The following WDPCP variants were observed in gnomAD, a reference collection of about 807,000 sequenced individuals.
WDPCP encodes WD repeat containing planar cell polarity effector.
WDPCP carries 71 observed loss-of-function variants against 93.1 expected under a neutral mutation model. That is an observed-to-expected ratio of 0.76 (90% confidence interval 0.63 to 0.93). The LOEUF is 0.93. Ranked by LOEUF, WDPCP falls within the 40% of genes least tolerant of loss-of-function variation. The pLI is 0.00. For synonymous variants in WDPCP, 315 were observed against 315.0 expected (o/e 1.00, Z 0.00); for missense variants, 844 against 887.4 (o/e 0.95, Z 0.62).
chr2:63,684,548 C>T lies in WDPCP; in HGVS notation n.309-33710G>A, dbSNP rs565746064. The T allele has an allele frequency of 5.6e-6, 4 of 712,002 alleles. No individual in the cohort carries two copies. The East Asian group carries it at 8.6e-5, about 15-fold the overall frequency. The allele number at this position is 712,002 out of a possible 1,614,324, so 44.1% of individuals were successfully genotyped here. A position where few individuals can be genotyped will look rare whatever the true frequency, so the allele number is the denominator to read the frequency against. On this transcript the variant is annotated intron_variant and non_coding_transcript_variant, in intron 2 of 4. Transcript: ENST00000467687. ...AGTTTATAACTATAATCACCTAATG[C>T]CCACAAGGTACTCTGTGGATATCCC...
intron 1 of WDPCP, among the ~76,000 whole-genome samples, chr2:63,524,829 G>A (rs1308701773): frequency 1.3e-5 from 2 of 152,038 alleles, no homozygotes. Flanking sequence ...TACACAATGG[G>A]AGATAATGAT....
intron 12 of WDPCP, among the ~76,000 whole-genome samples, chr2:63,338,354 C>T (rs1688540958): frequency 1.3e-5 from 2 of 151,522 alleles, no homozygotes; most frequent in African/African-American, 4.8e-5. Context: ...GAGTTTGAGA[C>T]CAGCCTGGCC....
At chr2:63,209,494 C>T (rs1011648365) in intron 14 of WDPCP, among the ~76,000 whole-genome samples, 11 of 152,238 alleles carry the variant, frequency 7.2e-5, no homozygotes, top group African/African-American at 2.7e-4. Context: ...TCAACACCCA[C>T]TGTGGACCCT....
chr2:63,566,742 TAAGAGCTCAGTCCCAC>T (rs1325510138), intron 1 of WDPCP, among the ~76,000 whole-genome samples: 2 of 152,168 alleles, frequency 1.3e-5, no homozygotes, highest in African/African-American at 4.8e-5. Context: ...TCTACAGGTT[TAAGAGCTCAGTCCCAC>T]AAGACTGTCC....
At chr2:63,503,151 T>C (rs1701658345) in intron 1 of WDPCP, among the ~76,000 whole-genome samples, 2 of 152,252 alleles carry the variant, frequency 1.3e-5, no homozygotes, top group African/African-American at 2.4e-5. Flanking sequence ...TAAATAGATC[T>C]TGTCAATTTA....
intron 1 of WDPCP, among the ~76,000 whole-genome samples, chr2:63,570,031 T>C (rs1558822367): frequency 6.6e-6 from 1 of 152,194 alleles, no homozygotes; most frequent in Non-Finnish European, 1.5e-5. Flanking sequence ...TTTCACCACT[T>C]ATCTCAATAC....
intron 2 of WDPCP, among the ~76,000 whole-genome samples, chr2:63,733,492 G>T (rs995306456): frequency 1.4e-5 from 2 of 147,078 alleles, no homozygotes; most frequent in Non-Finnish European, 3.0e-5. Flanking sequence ...GTGAGCCACC[G>T]CGCCCGGCCG....
At chr2:63,448,368 A>C (rs1279417436) in intron 6 of WDPCP, among the ~76,000 whole-genome samples, 1 of 152,092 alleles carries the variant, frequency 6.6e-6, no homozygotes, top group Non-Finnish European at 1.5e-5. Flanking sequence ...TAAGCTTGGC[A>C]ACTTTTCATA....
At chr2:63,460,426 A>AT (rs1698927686) in intron 6 of WDPCP, among the ~76,000 whole-genome samples, 1 of 152,172 alleles carries the variant, frequency 6.6e-6, no homozygotes, top group African/African-American at 2.4e-5. Context: ...TAGGATGACT[A>AT]TACTTAGCAA....
chr2:63,585,095 G>A (rs1262528610), intron 1 of WDPCP, among the ~76,000 whole-genome samples: 2 of 152,096 alleles, frequency 1.3e-5, no homozygotes, highest in Non-Finnish European at 2.9e-5. Flanking sequence ...AAATGTTATA[G>A]TTTAAAATGT....
intron 2 of WDPCP, among the ~76,000 whole-genome samples, chr2:63,782,843 A>T (rs895556724): frequency 5.3e-5 from 8 of 151,884 alleles, no homozygotes; most frequent in Non-Finnish European, 1.2e-4. Flanking sequence ...TCCCTCAGGA[A>T]TGGAAAATGG....
chr2:63,409,315 G>A (rs1694850903), intron 9 of WDPCP, among the ~76,000 whole-genome samples: 2 of 152,156 alleles, frequency 1.3e-5, no homozygotes, highest in Non-Finnish European at 2.9e-5. Context: ...ACTGCAGTTT[G>A]GCTCACAGGA....
rs118058392 is a variant in WDPCP at position 63,310,404 on chromosome 2, G to A, written c.1812+2844C>T. 6.6e-4 allele frequency among the ~76,000 whole-genome samples: 100 copies of A among 152,084 alleles called. 1 individual carries two copies. The East Asian group carries it at 0.018, about 27-fold the overall frequency. ...CTTCACACTTGTACCTAGGAGCCTT[G>A]TCTCGTTTCAGTTTATTTTCTACAA... On this transcript the variant is annotated intron_variant, in intron 13 of 17. Coordinates refer to ENST00000272321, the MANE Select transcript of WDPCP (RefSeq NM_015910.7).
chr2:63,214,197 G>T (rs983464432), intron 14 of WDPCP, among the ~76,000 whole-genome samples: 1 of 152,172 alleles, frequency 6.6e-6, no homozygotes, highest in Non-Finnish European at 1.5e-5. Flanking sequence ...CAATATCCAT[G>T]ATGAACATTG....
intron 10 of WDPCP, among the ~76,000 whole-genome samples, chr2:63,392,336 T>C (rs1298390830): frequency 6.6e-6 from 1 of 152,140 alleles, no homozygotes; most frequent in Non-Finnish European, 1.5e-5. Flanking sequence ...TAGCCATAGG[T>C]AGAAAACTGA....
chr2:63,720,533 C>A (rs1164286522), intron 2 of WDPCP, among the ~76,000 whole-genome samples: 1 of 152,132 alleles, frequency 6.6e-6, no homozygotes, highest in Non-Finnish European at 1.5e-5. Context: ...TTAAGAGCTG[C>A]CATGGCTTAC....
In WDPCP at chr2:63,660,409, GCAGCAAAATTA is replaced by G. The variant is rs1157679413; in HGVS notation, n.309-9582_309-9572del. The stretch of plus-strand genomic sequence containing the variant: ...CTTGCTTGAATTGCAATTGGTAGTT[GCAGCAAAATTA>G]CAGAGAGTAGGAGAAGAGTAGTTTT... On this transcript the variant is annotated intron_variant and non_coding_transcript_variant, in intron 2 of 4. Transcript: ENST00000467687. 2.0e-5 allele frequency among the ~76,000 whole-genome samples: 3 copies of G among 152,160 alleles called. No individual in the cohort carries two copies. The East Asian group carries it at 5.8e-4, about 29-fold the overall frequency.
At chr2:63,380,423 C>T (rs1692202157) in intron 11 of WDPCP, among the ~76,000 whole-genome samples, 1 of 152,086 alleles carries the variant, frequency 6.6e-6, no homozygotes, top group Non-Finnish European at 1.5e-5. Context: ...ATGCACTAGG[C>T]ATTTTCTCAT....
intron 1 of WDPCP, among the ~76,000 whole-genome samples, chr2:63,581,332 G>A (rs1316130474): frequency 6.6e-6 from 1 of 152,158 alleles, no homozygotes; most frequent in Non-Finnish European, 1.5e-5. Flanking sequence ...CATACAGAGA[G>A]AACTCCAGAG....
Sources: allele counts gnomAD v4.1 joint callset (sites outside exome capture counted in the v4.1 genomes callset), GRCh38; gene constraint gnomAD v4.1.1; transcripts MANE v1.5; gene names NCBI Gene and HGNC (gene_info 2026-07-23, HGNC 2026-07-21).